ANO5: variants seen among roughly 807,000 people sequenced by gnomAD.
ANO5 encodes anoctamin-5.
In ANO5, 109 loss-of-function variants were observed where a neutral mutation model predicts 121.0. That is an observed-to-expected ratio of 0.90 (90% CI 0.77 to 1.06). The LOEUF is 1.06. Among genes scored for constraint, ANO5 ranks in the 50% least tolerant of loss-of-function variants. The pLI, the probability that ANO5 is intolerant of heterozygous loss-of-function variation, is 0.00. For missense variants in ANO5, 1,064 were observed against 1,078.5 expected (o/e 0.99, Z 0.19); for synonymous variants, 406 against 359.9 (o/e 1.13, Z -1.45).
Position 22,280,004 on chromosome 11 carries a change from T to C in ANO5, c.*239T>C. On this transcript the variant is annotated 3_prime_UTR_variant, in exon 22 of 22. Coordinates refer to ENST00000324559, the MANE Select transcript of ANO5 (RefSeq NM_213599.3). ...CCAGATGTTGTTTTCTGAGGTGCTG[T>C]AAATGACTGTTGAAAGTGCAGGTAG... 1 of 509,334 alleles carries C rather than the reference T, an allele frequency of 2.0e-6. No homozygotes were observed. Among genetic ancestry groups the C allele is most frequent in the South Asian group, 2.4e-5 (1 of 42,346 alleles). 31.6% of individuals were successfully genotyped at this position (509,334 alleles called of 1,614,324 possible).
chr11:22,197,736 C>T (rs1471639774), intron 1 of ANO5, among the ~76,000 whole-genome samples: 1 of 152,136 alleles, frequency 6.6e-6, no homozygotes, highest in Admixed American at 6.5e-5. Context: ...TCAGTGAAAA[C>T]TCAAGACTCA....
At chr11:22,219,204 G>A (rs1852559389) in intron 4 of ANO5, among the ~76,000 whole-genome samples, 1 of 151,912 alleles carries the variant, frequency 6.6e-6, no homozygotes, top group African/African-American at 2.4e-5. Flanking sequence ...GTATCATCAG[G>A]GTGTGATATA....
chr11:22,216,194 G>A (rs1852437202), intron 3 of ANO5, among the ~76,000 whole-genome samples: 1 of 151,798 alleles, frequency 6.6e-6, no homozygotes, highest in Admixed American at 6.6e-5. Context: ...TTAATCTTGG[G>A]TAATTTCCTA....
chr11:22,218,994 A>G (rs1208742544), intron 4 of ANO5, among the ~76,000 whole-genome samples: 1 of 152,102 alleles, frequency 6.6e-6, no homozygotes, highest in Admixed American at 6.6e-5. Flanking sequence ...CACACATGCT[A>G]CAAAATATAT....
intron 14 of ANO5, 23 bp downstream of exon 14, chr11:22,257,777 C>A: frequency 1.3e-6 from 2 of 1,577,482 alleles, no homozygotes; most frequent in Non-Finnish European, 1.7e-6. Flanking sequence ...TTAAAAATTG[C>A]TATAATTTCT....
In ANO5 at chr11:22,250,999, A is replaced by C. The variant is rs1853797522; in HGVS notation, c.1168A>C (p.Met390Leu). 6.2e-7 allele frequency: 1 copy of C among 1,611,550 alleles called. No individual in the cohort carries two copies. ...GTCAACAGTGTTCTTTGCAATATTC[A>C]TGGGAATTTGGGGTGAGTAAATAGT... ...NESTVFFAIF[M>L]GIWVTLFLEF... The change falls in exon 12 of 22, where the codon ATG becomes CTG. Residue 390 changes from methionine to leucine, a missense_variant. Physicochemically the swap from Met to Leu is conservative, Grantham distance 15 (BLOSUM62 2). Coordinates refer to ENST00000324559, the MANE Select transcript of ANO5 (RefSeq NM_213599.3).
At chr11:22,207,015 A>G (rs1471185870) in intron 2 of ANO5, among the ~76,000 whole-genome samples, 1 of 152,090 alleles carries the variant, frequency 6.6e-6, no homozygotes, top group Admixed American at 6.6e-5. Flanking sequence ...CAAGAAATCT[A>G]CAAAATTAAA....
At chr11:22,243,727 G>A (rs7115712) in intron 9 of ANO5, among the ~76,000 whole-genome samples, 22,620 of 44,814 alleles carry the variant, frequency 0.5, 4,918 homozygotes, top group African/African-American at 0.65. Context: ...AATAGTATTG[G>A]AGGATTTTTG....
chr11:22,264,675 A>C (rs1854304353), intron 17 of ANO5, among the ~76,000 whole-genome samples: 1 of 152,200 alleles, frequency 6.6e-6, no homozygotes, highest in Non-Finnish European at 1.5e-5. Context: ...TGTTGACAAT[A>C]CTAACAACAT....
intron 9 of ANO5, among the ~76,000 whole-genome samples, chr11:22,245,006 T>C (rs1853571976): frequency 6.6e-6 from 1 of 152,220 alleles, no homozygotes; most frequent in East Asian, 1.9e-4. Flanking sequence ...GTTCCATTAA[T>C]TGTAGTATAA....
intron 5 of ANO5, among the ~76,000 whole-genome samples, chr11:22,225,493 A>G (rs1033451077): frequency 1.3e-5 from 2 of 151,954 alleles, no homozygotes; most frequent in African/African-American, 4.8e-5. Flanking sequence ...AGAACTAAGC[A>G]CCCAAGTGGT....
At chr11:22,260,745 T>C (rs1854162217) in intron 15 of ANO5, among the ~76,000 whole-genome samples, 2 of 152,354 alleles carry the variant, frequency 1.3e-5, no homozygotes, top group East Asian at 3.9e-4. Context: ...CTTCCAGTAT[T>C]GCTGAAAATG....
At chr11:22,267,167 A>G (rs1394567520) in intron 17 of ANO5, among the ~76,000 whole-genome samples, 1 of 152,072 alleles carries the variant, frequency 6.6e-6, no homozygotes, top group East Asian at 1.9e-4. Flanking sequence ...TGTACTGATA[A>G]AAAGTTATAT....
At chr11:22,246,856 CAAAAAAA>C (rs10565920) in intron 9 of ANO5, among the ~76,000 whole-genome samples, 269 of 62,218 alleles carry the variant, frequency 4.3e-3, no homozygotes, top group Middle Eastern at 0.034. Flanking sequence ...GACCCTGTTT[CAAAAAAA>C]AAAAAAAAAA....
chr11:22,215,712 A>G (rs914791555), intron 3 of ANO5, among the ~76,000 whole-genome samples: 11 of 151,976 alleles, frequency 7.2e-5, no homozygotes, highest in Non-Finnish European at 1.6e-4. Context: ...TTCTACATTA[A>G]ATACAATAAA....
At chr11:22,243,918 A>G (rs1455037364) in intron 9 of ANO5, among the ~76,000 whole-genome samples, 1 of 22,516 alleles carries the variant, frequency 4.4e-5, no homozygotes, top group African/African-American at 7.6e-5. Flanking sequence ...CAGTGTTAGT[A>G]TTGATATGTG....
At chr11:22,221,824 ATG>A (rs1169192464) in intron 5 of ANO5, among the ~76,000 whole-genome samples, 2 of 151,982 alleles carry the variant, frequency 1.3e-5, no homozygotes, top group African/African-American at 2.4e-5. Context: ...ATACACATAT[ATG>A]TGTGTGTGCA....
intron 17 of ANO5, among the ~76,000 whole-genome samples, chr11:22,265,660 A>G (rs1302693058): frequency 6.6e-6 from 1 of 152,150 alleles, no homozygotes; most frequent in African/African-American, 2.4e-5. Flanking sequence ...GTGGTCAATT[A>G]TCCCCAAATT....
intron 4 of ANO5, 70 bp from the exon 5 acceptor site, chr11:22,221,023 ATAAT>A (rs766715140): frequency 3.7e-6 from 4 of 1,081,552 alleles, no homozygotes; most frequent in African/African-American, 3.2e-5. Flanking sequence ...TAAATTATAA[ATAAT>A]TCCTTTTGTG....
Sources: allele counts gnomAD v4.1 joint callset (sites outside exome capture counted in the v4.1 genomes callset), GRCh38; gene constraint gnomAD v4.1.1; transcripts MANE v1.5; gene names NCBI Gene and HGNC (gene_info 2026-07-23, HGNC 2026-07-21).